ARHGEF17: variants seen among roughly 807,000 people sequenced by gnomAD.
ARHGEF17 encodes 164 kDa Rho-specific guanine-nucleotide exchange factor.
A neutral mutation model predicts 174.0 loss-of-function variants in ARHGEF17; 80 were observed. That is an observed-to-expected ratio of 0.46 (90% CI 0.38 to 0.55). ARHGEF17 has a LOEUF of 0.55. Among genes scored for constraint, ARHGEF17 ranks in the 20% least tolerant of loss-of-function variants. The pLI, the probability that ARHGEF17 is intolerant of heterozygous loss-of-function variation, is 0.00. For synonymous variants in ARHGEF17, 1,311 were observed against 1,189.1 expected (o/e 1.10, Z -2.11); for missense variants, 2,886 against 2,839.7 (o/e 1.02, Z -0.37).
chr11:73,355,722 C>G (rs1291518127), intron 4 of ARHGEF17, 73 bp downstream of exon 4: 2 of 1,560,688 alleles, frequency 1.3e-6, no homozygotes, highest in African/African-American at 2.7e-5. Context: ...CAGGAGCTCC[C>G]AGCGTGGGTA....
At chr11:73,355,804 T>C in intron 4 of ARHGEF17, 57 bp from the exon 5 acceptor site, 1 of 1,607,264 alleles carries the variant, frequency 6.2e-7, no homozygotes, top group Middle Eastern at 1.7e-4. Flanking sequence ...GACCTGTCCC[T>C]GGACATAGTC....
chr11:73,364,040 A>T (rs1253749464), intron 16 of ARHGEF17, 132 bp from the exon 17 acceptor site: 4 of 1,095,102 alleles, frequency 3.7e-6, no homozygotes, highest in Non-Finnish European at 5.4e-6. Context: ...GGCAACCCCC[A>T]CCTGGAGAAC....
intron 1 of ARHGEF17, among the ~76,000 whole-genome samples, chr11:73,320,628 C>CAAA (rs1165583721): frequency 8.9e-4 from 51 of 57,216 alleles, no homozygotes; most frequent in African/African-American, 1.5e-3. Flanking sequence ...GACTCCGTCT[C>CAAA]AAAAAAAAAA....
In ARHGEF17 at chr11:73,362,436, G is replaced by C; in HGVS notation, c.4698G>C (p.Glu1566Asp). The C allele has an allele frequency of 6.4e-7, 1 of 1,555,006 alleles. No homozygotes were observed. The highest frequency in any genetic ancestry group is 2.3e-5 in the East Asian group (1 of 43,948). The part of the protein sequence containing the change: ...VPGLQPRCHR[E>D]PPPSLRSPPE... ...TCCTCACTCCGTCTTCTCGCAGGGA[G>C]CCTCCTCCGTCGCTGAGGAGTCCTC... The change falls in exon 14 of 21, where the codon GAG becomes GAC. Residue 1566 changes from glutamate to aspartate, a missense_variant. Physicochemically the swap from Glu to Asp is conservative, Grantham distance 45. Transcript: ENST00000263674.
Position 73,309,787 on chromosome 11 carries a change from C to T in ARHGEF17, c.1149C>T (p.Ser383=). 6.2e-7 allele frequency: 1 copy of T among 1,613,028 alleles called. No individual in the cohort carries two copies. Among genetic ancestry groups the T allele is most frequent in the Non-Finnish European group, 8.5e-7 (1 of 1,179,992 alleles). The change falls in exon 1 of 21, where the codon AGC becomes AGT. Residue 383 remains serine, a synonymous_variant. Transcript: ENST00000263674. ...AKVSFPSYLA[S]PAGSRGSSRY... ...TGAGCTTTCCCTCGTACCTGGCCAGCCCCGCAGGCTCCCGCGGTAGCAGCC... is the reference window on the plus strand; with the variant it reads ...TGAGCTTTCCCTCGTACCTGGCCAGTCCCGCAGGCTCCCGCGGTAGCAGCC...
At position 73,310,488 on chromosome 11, in the gene ARHGEF17, CT is replaced by C. The variant is rs764619467; in HGVS notation, c.1851del (p.Gly618GlufsTer9). On this transcript the variant is annotated frameshift_variant, in exon 1 of 21. Coordinates refer to ENST00000263674, the MANE Select transcript of ARHGEF17 (RefSeq NM_014786.4). LOFTEE classifies it high-confidence loss of function. ...AQQDDGSDAP[P>X]GSPDWAGDVT... ...CAAGATGATGGAAGCGATGCCCCCC[CT>C]GGAAGCCCTGACTGGGCAGGGGATG... 8 of 1,613,876 alleles carry C rather than the reference CT, an allele frequency of 5.0e-6. No homozygotes were observed. Among genetic ancestry groups the C allele is most frequent in the East Asian group, 2.2e-5 (1 of 44,894 alleles).
chr11:73,311,872 G>A, intron 1 of ARHGEF17, 42 bp downstream of exon 1: 3 of 1,549,022 alleles, frequency 1.9e-6, no homozygotes, highest in South Asian at 1.2e-5. Flanking sequence ...GCCAAAGAAG[G>A]GCCATGGGCA....
At chr11:73,353,746 C>T (rs1591754621) in intron 3 of ARHGEF17, among the ~76,000 whole-genome samples, 2 of 152,050 alleles carry the variant, frequency 1.3e-5, no homozygotes, top group South Asian at 2.1e-4. Flanking sequence ...CCCACAATAG[C>T]GAGTGAGATC....
rs1052602491 is a variant in ARHGEF17 at position 73,368,610 on chromosome 11, G to A, written c.*830G>A. On this transcript the variant is annotated 3_prime_UTR_variant, in exon 21 of 21. Coordinates refer to ENST00000263674, the MANE Select transcript of ARHGEF17 (RefSeq NM_014786.4). ...TTGGACAGGGCTTTCTCTCAGGTAG[G>A]AGAAATGGGCCCATGATCTCCTCAC... 1 of 152,342 alleles carries A rather than the reference G, an allele frequency of 6.6e-6. No homozygotes were observed. Among genetic ancestry groups the A allele is most frequent in the African/African-American group, 2.4e-5 (1 of 41,418 alleles). The allele number at this position is 152,342 out of a possible 1,614,324, so 9.4% of individuals were successfully genotyped here. A position where few individuals can be genotyped will look rare whatever the true frequency, so the allele number is the denominator to read the frequency against.
At chr11:73,315,669 A>G (rs1191988619) in intron 1 of ARHGEF17, among the ~76,000 whole-genome samples, 1 of 152,082 alleles carries the variant, frequency 6.6e-6, no homozygotes, top group Non-Finnish European at 1.5e-5. Flanking sequence ...ATGAGGGAGG[A>G]CAGGCAGAAG....
At chr11:73,316,983 A>G (rs1766839374) in intron 1 of ARHGEF17, among the ~76,000 whole-genome samples, 3 of 152,172 alleles carry the variant, frequency 2.0e-5, no homozygotes, top group Admixed American at 2.0e-4. Context: ...GGGCTCCTCA[A>G]GGGCCTGGAC....
chr11:73,356,871 C>T, intron 7 of ARHGEF17, 112 bp downstream of exon 7: 2 of 1,538,924 alleles, frequency 1.3e-6, no homozygotes, highest in Admixed American at 1.7e-5. Context: ...CGAGGGGAGC[C>T]CTGGTCGAGT....
intron 9 of ARHGEF17, 78 bp from the exon 10 acceptor site, chr11:73,359,756 A>G (rs1488925092): frequency 2.5e-6 from 3 of 1,214,282 alleles, no homozygotes; most frequent in Non-Finnish European, 3.4e-6. Context: ...CAGGCTATGC[A>G]GTGAGGGAAG....
At chr11:73,324,765 T>G (rs1275678027) in intron 1 of ARHGEF17, among the ~76,000 whole-genome samples, 1 of 152,220 alleles carries the variant, frequency 6.6e-6, no homozygotes, top group African/African-American at 2.4e-5. Flanking sequence ...GGATTTTGCT[T>G]TGGACATAGT....
At chr11:73,348,760 TTTATA>T (rs1422086489) in intron 2 of ARHGEF17, among the ~76,000 whole-genome samples, 10 of 152,236 alleles carry the variant, frequency 6.6e-5, no homozygotes, top group African/African-American at 1.4e-4. Context: ...AATGGTAAAT[TTTATA>T]TTATATGTAT....
At chr11:73,342,051 G>A (rs550647136) in intron 1 of ARHGEF17, among the ~76,000 whole-genome samples, 2 of 152,190 alleles carry the variant, frequency 1.3e-5, no homozygotes, top group East Asian at 3.9e-4. Context: ...CAAGCAGCAC[G>A]TTATGAGGAT....
chr11:73,346,923 A>G lies in ARHGEF17; in HGVS notation c.3233A>G (p.Glu1078Gly). Residue 1078 changes from glutamate (E) to glycine (G), a missense_variant, in exon 2 of 21, where the codon GAG becomes GGG. By Grantham distance (98) the Glu-to-Gly change is moderately conservative (BLOSUM62 -2). Coordinates refer to ENST00000263674, the MANE Select transcript of ARHGEF17 (RefSeq NM_014786.4). Reference protein sequence around the residue: ...KHVAMTLLDTEQSYVESLRTL... With the variant: ...KHVAMTLLDTGQSYVESLRTL... The stretch of plus-strand genomic sequence containing the variant: ...GTGGCCATGACCCTGCTGGACACAG[A>G]GCAGTCGTATGTGGAGTCGCTGCGC... 1 of 1,552,636 alleles carries G rather than the reference A, an allele frequency of 6.4e-7. No homozygotes were observed. The highest frequency in any genetic ancestry group is 8.8e-7 in the Non-Finnish European group (1 of 1,141,436).
At chr11:73,338,830 C>T (rs1039481547) in intron 1 of ARHGEF17, among the ~76,000 whole-genome samples, 11 of 151,924 alleles carry the variant, frequency 7.2e-5, no homozygotes, top group Non-Finnish European at 1.5e-4. Context: ...AGCCAGGTGA[C>T]CTCTCTGAGC....
Position 73,365,200 on chromosome 11 carries a change from A to C in ARHGEF17, c.5551-190A>C. 1.6e-6 allele frequency: 1 copy of C among 623,778 alleles called. No individual in the cohort carries two copies. The highest frequency in any genetic ancestry group is 2.0e-5 in the South Asian group (1 of 49,832). 38.6% of individuals were successfully genotyped at this position (623,778 alleles called of 1,614,324 possible). A position where few individuals can be genotyped will look rare whatever the true frequency, so the allele number is the denominator to read the frequency against. ...AATCACTCAAGTTTAATGGGGAAAA[A>C]GCACCTCCATTGTAATTCCTGAGAA... On this transcript the variant is annotated intron_variant, in intron 18 of 20. Transcript: ENST00000263674. The surrounding 1 kb of genome is among the most constrained non-coding windows in gnomAD (Gnocchi z 4.9).
Sources: allele counts gnomAD v4.1 joint callset (sites outside exome capture counted in the v4.1 genomes callset), GRCh38; gene constraint gnomAD v4.1.1; non-coding constraint Gnocchi (gnomAD v3.1); transcripts MANE v1.5; gene names NCBI Gene and HGNC (gene_info 2026-07-23, HGNC 2026-07-21).